Variants in CCDC171 observed in about 807,000 individuals in gnomAD.
CCDC171 encodes coiled-coil domain containing 171.
In CCDC171, 177 loss-of-function variants were observed where a neutral mutation model predicts 168.2. The ratio of observed to expected loss-of-function variants is 1.05; its 90% CI spans 0.93 to 1.19. The LOEUF (loss-of-function observed/expected upper bound fraction) is 1.19, where lower values mean the gene tolerates loss of function less well. CCDC171 is among the 50% of genes most tolerant of loss of function. The probability of loss-of-function intolerance (pLI) is 0.00; values close to 1 mark genes in which losing one functional copy is unlikely to be tolerated. For missense variants in CCDC171, 1,991 were observed against 1,539.0 expected, an observed-to-expected ratio of 1.29 and a Z score of -4.91; for synonymous variants, 687 against 540.8, an observed-to-expected ratio of 1.27 and a Z score of -3.75.
intron 21 of CCDC171, among the ~76,000 whole-genome samples, chr9:15,822,078 G>C (rs1344851886): frequency 6.6e-6 from 1 of 152,176 alleles, no homozygotes; most frequent in Non-Finnish European, 1.5e-5. Flanking sequence ...AACAAGAAAT[G>C]TGGAAAGGAT....
chr9:15,979,895 A>T (rs1413465437), intron 3 of CCDC171, among the ~76,000 whole-genome samples: 1 of 150,868 alleles, frequency 6.6e-6, no homozygotes, highest in African/African-American at 2.4e-5. Context: ...TTATTAGTGA[A>T]TTCATCTTGG....
At chr9:15,727,368 A>C (rs1033138224) in intron 14 of CCDC171, among the ~76,000 whole-genome samples, 1 of 152,218 alleles carries the variant, frequency 6.6e-6, no homozygotes, top group Non-Finnish European at 1.5e-5. Flanking sequence ...AATTGTGTCC[A>C]TGTAAAGTAC....
chr9:15,936,670 G>A (rs1413526504), intron 25 of CCDC171, among the ~76,000 whole-genome samples: 1 of 151,974 alleles, frequency 6.6e-6, no homozygotes, highest in Admixed American at 6.6e-5. Flanking sequence ...ATTAAACGAG[G>A]ACCTCTCATG....
At chr9:15,983,393 T>G (rs1453429708) in intron 3 of CCDC171, among the ~76,000 whole-genome samples, 9 of 152,176 alleles carry the variant, frequency 5.9e-5, no homozygotes, top group Non-Finnish European at 1.2e-4. Context: ...ATTTTACTAT[T>G]TTAACTTATT....
At chr9:15,668,762 C>T (rs2048905385) in intron 9 of CCDC171, among the ~76,000 whole-genome samples, 1 of 152,022 alleles carries the variant, frequency 6.6e-6, no homozygotes, top group African/African-American at 2.4e-5. Context: ...TCTGCCTGTA[C>T]TTCTGACCAT....
At chr9:15,921,576 G>A (rs1825331594) in intron 25 of CCDC171, among the ~76,000 whole-genome samples, 1 of 151,634 alleles carries the variant, frequency 6.6e-6, no homozygotes, top group Admixed American at 6.6e-5. Flanking sequence ...AGTTCTAAGA[G>A]CAGTCTGGCT....
intron 11 of CCDC171, among the ~76,000 whole-genome samples, chr9:15,704,326 C>T (rs977018862): frequency 6.6e-5 from 10 of 152,252 alleles, no homozygotes; most frequent in Admixed American, 6.5e-4. Flanking sequence ...AGTTCAAGTC[C>T]AGACTGGGCA....
chr9:15,691,975 T>G (rs558242966), intron 10 of CCDC171, among the ~76,000 whole-genome samples: 3 of 152,296 alleles, frequency 2.0e-5, no homozygotes, highest in South Asian at 4.1e-4. Flanking sequence ...CACCCAGCCT[T>G]TCACTGACCT....
intron 21 of CCDC171, among the ~76,000 whole-genome samples, chr9:15,799,458 A>T (rs1241767064): frequency 4.6e-5 from 7 of 151,214 alleles, no homozygotes; most frequent in Admixed American, 2.6e-4. Context: ...TTCTTTACAA[A>T]TTTTAATTTT....
chr9:15,842,111 T>G (rs2060704546), intron 21 of CCDC171, among the ~76,000 whole-genome samples: 1 of 152,076 alleles, frequency 6.6e-6, no homozygotes, highest in African/African-American at 2.4e-5. Context: ...CTAGTTCTTA[T>G]AACACTTGTG....
intron 3 of CCDC171, among the ~76,000 whole-genome samples, chr9:16,010,900 C>T (rs1589322983): frequency 6.6e-6 from 1 of 152,096 alleles, no homozygotes; most frequent in Non-Finnish European, 1.5e-5. Context: ...ATGAGGTCCC[C>T]AGGGATACCC....
intron 24 of CCDC171, among the ~76,000 whole-genome samples, chr9:15,892,622 C>T (rs944015898): frequency 3.3e-5 from 5 of 151,894 alleles, no homozygotes; most frequent in African/African-American, 1.2e-4. Flanking sequence ...AATCGGTGTG[C>T]AAAAATCACC....
At chr9:15,926,879 A>G (rs369422596) in intron 25 of CCDC171, among the ~76,000 whole-genome samples, 1 of 151,820 alleles carries the variant, frequency 6.6e-6, no homozygotes, top group East Asian at 1.9e-4. Context: ...TTGTAGGCAA[A>G]AGAACTAAAA....
At chr9:15,895,997 A>G (rs1820846707) in intron 24 of CCDC171, among the ~76,000 whole-genome samples, 1 of 151,944 alleles carries the variant, frequency 6.6e-6, no homozygotes, top group African/African-American at 2.4e-5. Flanking sequence ...AATGGTTTTC[A>G]CTAGGAACTT....
intron 4 of CCDC171, among the ~76,000 whole-genome samples, chr9:15,583,408 C>CAAAAAAAAAAAAA (rs753789809): frequency 1.0e-5 from 1 of 95,836 alleles, no homozygotes. Flanking sequence ...GACTCCATCT[C>CAAAAAAAAAAAAA]AAAAAAAAAA....
At chr9:15,583,436 T>G (rs1587139388) in intron 4 of CCDC171, among the ~76,000 whole-genome samples, 1 of 150,152 alleles carries the variant, frequency 6.7e-6, no homozygotes, top group African/African-American at 2.4e-5. Flanking sequence ...GAAAATGTGC[T>G]ATATATACAG....
chr9:16,044,846 A>T (rs1833633735), intron 1 of CCDC171, among the ~76,000 whole-genome samples: 1 of 152,134 alleles, frequency 6.6e-6, no homozygotes, highest in African/African-American at 2.4e-5. Flanking sequence ...ATCTGGGCTG[A>T]ATCTTCTCCA....
intron 11 of CCDC171, among the ~76,000 whole-genome samples, chr9:15,700,573 C>CT (rs1181490306): frequency 6.6e-6 from 1 of 152,246 alleles, no homozygotes; most frequent in Non-Finnish European, 1.5e-5. Context: ...CAAGCGAGGG[C>CT]TGTGAGGACT....
At chr9:15,657,050 A>G (rs1347662262) in intron 7 of CCDC171, 77 bp from the exon 8 acceptor site, 1 of 692,568 alleles carries the variant, frequency 1.4e-6, no homozygotes, top group Non-Finnish European at 2.3e-6. Flanking sequence ...AGTGTTAATT[A>G]TAATGCTGGA....
Sources: gnomAD v4.1 joint callset for allele counts (sites outside exome capture counted in the v4.1 genomes callset) on GRCh38, gnomAD v4.1.1 for gene constraint, MANE v1.5 for transcripts, NCBI Gene and HGNC (gene_info 2026-07-23, HGNC 2026-07-21) for gene names.